CAPRIN1: variants seen among roughly 807,000 people sequenced by gnomAD.
CAPRIN1 encodes the protein cell cycle associated protein 1, also known as caprin-1.
In CAPRIN1, 29 loss-of-function variants were observed where a neutral mutation model predicts 100.9. That is an observed-to-expected ratio of 0.29 (90% CI 0.21 to 0.39). The LOEUF (loss-of-function observed/expected upper bound fraction) is 0.39. CAPRIN1 is among the 10% of genes least tolerant of loss of function. The probability of loss-of-function intolerance (pLI) is 1.00; values close to 1 mark genes in which losing one functional copy is unlikely to be tolerated. For missense variants in CAPRIN1, 795 were observed against 876.7 expected (o/e 0.91, Z 1.18); for synonymous variants, 338 against 307.5 (o/e 1.10, Z -1.04).
chr11:34,090,092 A>AG (rs1851232982), intron 12 of CAPRIN1, 87 bp from the exon 13 acceptor site: 1 of 662,290 alleles, frequency 1.5e-6, no homozygotes, highest in Admixed American at 2.9e-5. Flanking sequence ...TCTATTTCTT[A>AG]GCCTTATGCG....
intron 4 of CAPRIN1, among the ~76,000 whole-genome samples, chr11:34,072,248 G>C (rs572393862): frequency 2.0e-4 from 30 of 151,418 alleles, no homozygotes; most frequent in African/African-American, 7.3e-4. Flanking sequence ...CATGGCTGTG[G>C]TGCATATGAT....
At chr11:34,085,877 T>A (rs957991780) in intron 9 of CAPRIN1, among the ~76,000 whole-genome samples, 187 bp from the exon 10 acceptor site, 5 of 152,158 alleles carry the variant, frequency 3.3e-5, no homozygotes, top group Non-Finnish European at 7.4e-5. Context: ...ACTGAAACAC[T>A]GTAGAAGTGA....
rs1042331397 is a variant in CAPRIN1, at chr11:34,100,325, C to A, written c.*958C>A. 3.3e-5 allele frequency: 5 copies of A among 152,086 alleles called. No homozygotes were observed. The highest frequency in any genetic ancestry group is 4.8e-5 in the African/African-American group (2 of 41,420). 9.4% of individuals were successfully genotyped at this position (152,086 alleles called of 1,614,324 possible). A position where few individuals can be genotyped will look rare whatever the true frequency, so the allele number is the denominator to read the frequency against. On this transcript the variant is annotated 3_prime_UTR_variant, in exon 19 of 19. Transcript: ENST00000341394. ...TCTCGGTCACATGTTTTTCCTTCAG[C>A]TTGAAAGCTTTTTTTTAAAAGGAAA...
chr11:34,053,779 C>T (rs1850388080), intron 2 of CAPRIN1: 1 of 152,030 alleles, frequency 6.6e-6, no homozygotes, highest in Non-Finnish European at 1.5e-5. Flanking sequence ...AAGGTCTGGG[C>T]AGAGTGAATA....
intron 15 of CAPRIN1, 121 bp from the exon 16 acceptor site, chr11:34,096,358 C>T (rs1488620765): frequency 4.7e-6 from 3 of 637,998 alleles, no homozygotes; most frequent in Non-Finnish European, 7.9e-6. Flanking sequence ...TCATTGTATG[C>T]AAATTTAAGG....
intron 2 of CAPRIN1, among the ~76,000 whole-genome samples, chr11:34,057,981 A>T (rs548522454): frequency 2.0e-5 from 3 of 151,770 alleles, no homozygotes; most frequent in African/African-American, 7.3e-5. Flanking sequence ...TCAGCCTCCA[A>T]AGTGTTGGGA....
At chr11:34,080,709 T>A (rs1194720503) in intron 7 of CAPRIN1, among the ~76,000 whole-genome samples, 2 of 152,212 alleles carry the variant, frequency 1.3e-5, no homozygotes, top group Non-Finnish European at 2.9e-5. Context: ...TGAATTTAAA[T>A]CTTCGCTTCA....
rs186053291 is a variant in CAPRIN1, at chr11:34,057,006, T to G, written c.216+4370T>G. 3.9e-5 allele frequency among the ~76,000 whole-genome samples: 6 copies of G among 152,342 alleles called. No homozygotes were observed. The East Asian group carries it at 1.2e-3, about 29-fold the overall frequency. The stretch of plus-strand genomic sequence containing the variant: ...AATGCTGTTGTTGTGAGGGTAACAT[T>G]TCTTTCTAGAACGTTGCAGTGTGTC... On this transcript the variant is annotated intron_variant, in intron 2 of 18. Transcript: ENST00000341394.
In CAPRIN1 at chr11:34,056,971, C is replaced by T. The variant is rs182026315; in HGVS notation, c.216+4335C>T. ...CTTCATCTTTGCAGTTAGTAGTATT[C>T]TTTAAAAAGAATGCTGTTGTTGTGA... is the stretch of plus-strand genomic sequence containing the variant. On this transcript the variant is annotated intron_variant, in intron 2 of 18. Transcript: ENST00000341394. 2.3e-4 allele frequency among the ~76,000 whole-genome samples: 35 copies of T among 152,282 alleles called. 2 individuals carry two copies. The highest frequency in any genetic ancestry group is 2.0e-3 in the Admixed American group (30 of 15,288).
chr11:34,077,304 CTGTT>C (rs1180455051), intron 6 of CAPRIN1, among the ~76,000 whole-genome samples: 5 of 152,174 alleles, frequency 3.3e-5, no homozygotes, highest in African/African-American at 7.2e-5. Context: ...TAGATAGGGA[CTGTT>C]TGTTTTATGG....
At chr11:34,062,420 T>G (rs1359808958) in intron 2 of CAPRIN1, among the ~76,000 whole-genome samples, 1 of 151,800 alleles carries the variant, frequency 6.6e-6, no homozygotes, top group East Asian at 1.9e-4. Context: ...GGTCAGGAGA[T>G]CAAGACCATC....
At chr11:34,075,111 G>T (rs1850881340) in intron 4 of CAPRIN1, among the ~76,000 whole-genome samples, 1 of 151,812 alleles carries the variant, frequency 6.6e-6, no homozygotes, top group South Asian at 2.1e-4. Flanking sequence ...GCAGTAGCAT[G>T]ATCTCAGCTC....
At chr11:34,096,375 CT>C (rs1237924126) in intron 15 of CAPRIN1, 103 bp from the exon 16 acceptor site, 12 of 737,576 alleles carry the variant, frequency 1.6e-5, no homozygotes, top group African/African-American at 9.1e-5. Flanking sequence ...AAGGATTAAA[CT>C]TTAAGGAGAC....
At position 34,101,427 on chromosome 11, in the gene CAPRIN1, G is replaced by A. The variant is rs1262216592; in HGVS notation, c.*2060G>A. Among the ~76,000 whole-genome samples, 2 of 152,180 alleles carry A rather than the reference G, an allele frequency of 1.3e-5. No individual in the cohort carries two copies. Among genetic ancestry groups the A allele is most frequent in the East Asian group, 3.9e-4 (2 of 5,192 alleles). On this transcript the variant is annotated 3_prime_UTR_variant, in exon 19 of 19. Transcript: ENST00000341394. ...TTTCATGACATTTACAATCAGGACT[G>A]AAGTAAGTTCTTCACACAGTGACCT... is the stretch of plus-strand genomic sequence containing the variant.
At chr11:34,060,144 C>T (rs763546155) in intron 2 of CAPRIN1, among the ~76,000 whole-genome samples, 1 of 135,688 alleles carries the variant, frequency 7.4e-6, no homozygotes, top group East Asian at 2.1e-4. Context: ...TGCAGTGAGC[C>T]GAGATCGCGC....
chr11:34,098,146 T>G, intron 18 of CAPRIN1: 1 of 1,005,330 alleles, frequency 9.9e-7, no homozygotes, highest in Non-Finnish European at 1.2e-6. Flanking sequence ...CCTCTTTCAT[T>G]TTTTTGAAAC....
In CAPRIN1 at chr11:34,101,067, C is replaced by T. The variant is rs1327704380; in HGVS notation, c.*1700C>T. On this transcript the variant is annotated 3_prime_UTR_variant, in exon 19 of 19. Transcript: ENST00000341394. Reference sequence around the variant, plus strand: ...CTACCAAAATGGATAGGCTGTTGAACATTCCACATTCAAAAGTTTTGTAGG... The same window carrying T: ...CTACCAAAATGGATAGGCTGTTGAATATTCCACATTCAAAAGTTTTGTAGG... 6.6e-6 allele frequency: 1 copy of T among 152,552 alleles called. No individual in the cohort carries two copies. Among genetic ancestry groups the T allele is most frequent in the Non-Finnish European group, 1.5e-5 (1 of 68,020 alleles). The allele number at this position is 152,552 out of a possible 1,614,324, so 9.4% of individuals were successfully genotyped here.
intron 9 of CAPRIN1, among the ~76,000 whole-genome samples, chr11:34,084,335 G>T (rs182202590): frequency 1.3e-5 from 2 of 152,266 alleles, no homozygotes; most frequent in East Asian, 3.9e-4. Flanking sequence ...AAGAGAGTAG[G>T]CACTTACCCC....
In CAPRIN1 at chr11:34,100,661, C is replaced by T. The variant is rs1037181784; in HGVS notation, c.*1294C>T. On this transcript the variant is annotated 3_prime_UTR_variant, in exon 19 of 19. Transcript: ENST00000341394. ...CTAATTTAACCTTAACTGAATTCTCCGTTTCTCCTGGAGGCATTTATATTC... is the reference window on the plus strand; with the variant it reads ...CTAATTTAACCTTAACTGAATTCTCTGTTTCTCCTGGAGGCATTTATATTC... 9 of 152,514 alleles carry T rather than the reference C, an allele frequency of 5.9e-5. No homozygotes were observed. The highest frequency in any genetic ancestry group is 1.9e-4 in the East Asian group (1 of 5,180). 9.4% of individuals were successfully genotyped at this position (152,514 alleles called of 1,614,324 possible).
Sources: gnomAD v4.1 joint callset for allele counts (sites outside exome capture counted in the v4.1 genomes callset) on GRCh38, gnomAD v4.1.1 for gene constraint, MANE v1.5 for transcripts, NCBI Gene and HGNC (gene_info 2026-07-23, HGNC 2026-07-21) for gene names.